The following RIC3 variants were observed in gnomAD, a reference collection of about 807,000 sequenced individuals.
RIC3 encodes protein RIC-3.
In RIC3, 28 loss-of-function variants were observed where a neutral mutation model predicts 27.3. That is an observed-to-expected ratio of 1.02 (90% CI 0.76 to 1.41). The LOEUF (loss-of-function observed/expected upper bound fraction) is 1.41, where lower values mean the gene tolerates loss of function less well. Among genes scored for constraint, RIC3 ranks in the 40% most tolerant of loss-of-function variants. RIC3 has a pLI of 0.00. For synonymous variants in RIC3, 184 were observed against 160.4 expected, an observed-to-expected ratio of 1.15 and a Z score of -1.11; for missense variants, 501 against 444.7, an observed-to-expected ratio of 1.13 and a Z score of -1.14.
chr11:8,116,582 A>T (rs1945883606), intron 5 of RIC3, among the ~76,000 whole-genome samples: 1 of 152,216 alleles, frequency 6.6e-6, no homozygotes, highest in African/African-American at 2.4e-5. Context: ...AAGAAAACCC[A>T]ATTTAAAAAT....
At chr11:8,149,101 G>A (rs1469704773) in intron 1 of RIC3, among the ~76,000 whole-genome samples, 2 of 151,626 alleles carry the variant, frequency 1.3e-5, no homozygotes, top group African/African-American at 4.8e-5. Context: ...GCTGAGGCAG[G>A]AGAATGACAT....
At chr11:8,094,018 T>C in the RIC3 span, 4 of 1,614,000 alleles carry the variant, frequency 2.5e-6, no homozygotes, top group East Asian at 2.2e-5. Flanking sequence ...TGTTTCTCTC[T>C]CTCCATCTGG....
chr11:8,093,208 C>T, the RIC3 span, among the ~76,000 whole-genome samples: 5 of 151,874 alleles, frequency 3.3e-5, no homozygotes, highest in Admixed American at 6.6e-5. Flanking sequence ...GACATCCAAG[C>T]TGAAATCTGC....
chr11:8,135,449 C>T (rs1343197775), intron 4 of RIC3: 4 of 152,130 alleles, frequency 2.6e-5, no homozygotes, highest in East Asian at 3.9e-4. Context: ...TGGCTTAGGA[C>T]TGACTTGGCA....
chr11:8,152,755 CT>C (rs756264221), intron 1 of RIC3, among the ~76,000 whole-genome samples: 92 of 145,310 alleles, frequency 6.3e-4, no homozygotes, highest in South Asian at 6.6e-4. Context: ...CTCAATAAAG[CT>C]TTTTTTTTTT....
rs760543501 is a variant in RIC3 at position 8,140,012 on chromosome 11, G to T, written c.306C>A (p.Ile102=). The T allele has an allele frequency of 9.3e-6, 15 of 1,614,012 alleles. No homozygotes were observed. The highest frequency in any genetic ancestry group is 1.1e-5 in the Non-Finnish European group (13 of 1,180,020). Residue 102 remains isoleucine (I), a synonymous_variant, in exon 2 of 6, where the codon ATC becomes ATA. Coordinates refer to ENST00000309737, the MANE Select transcript of RIC3 (RefSeq NM_001206671.4). ...TATATAAAAAAATCCCAAAACCGTA[G>T]ATTGGAATAATCTGCCCCATCAGAC... The part of the protein sequence containing the change: ...GRGLMGQIIP[I]YGFGIFLYIL...
intron 3 of RIC3, among the ~76,000 whole-genome samples, chr11:8,137,768 T>C (rs1257908171): frequency 6.6e-6 from 1 of 152,230 alleles, no homozygotes; most frequent in East Asian, 1.9e-4. Flanking sequence ...TTGCGGGTGG[T>C]AAATTTTTCA....
intron 1 of RIC3, among the ~76,000 whole-genome samples, chr11:8,154,647 A>G (rs1297605650): frequency 3.3e-5 from 5 of 152,118 alleles, no homozygotes; most frequent in East Asian, 1.9e-4. Flanking sequence ...TGACCATATT[A>G]TAATTTATTT....
downstream of RIC3, among the ~76,000 whole-genome samples, chr11:8,101,255 T>C (rs1254657882): frequency 6.6e-6 from 1 of 152,228 alleles, no homozygotes; most frequent in African/African-American, 2.4e-5. Context: ...ACTTTTCCTC[T>C]TTTCTGTCCC....
the RIC3 span, among the ~76,000 whole-genome samples, chr11:8,094,662 A>G: frequency 6.6e-6 from 1 of 152,208 alleles, no homozygotes; most frequent in African/African-American, 2.4e-5. Context: ...CCTCTGGACC[A>G]CAGACCAGCC....
intron 1 of RIC3, among the ~76,000 whole-genome samples, chr11:8,161,694 A>G (rs1401598469): frequency 6.6e-6 from 1 of 152,196 alleles, no homozygotes; most frequent in Non-Finnish European, 1.5e-5. Context: ...GGAAGGTGAG[A>G]GTGATGGAGG....
chr11:8,096,172 G>A, the RIC3 span, among the ~76,000 whole-genome samples: 1 of 152,220 alleles, frequency 6.6e-6, no homozygotes, highest in African/African-American at 2.4e-5. Context: ...GCAGGCGGGA[G>A]GACAGCTGAG....
intron 1 of RIC3, among the ~76,000 whole-genome samples, chr11:8,148,565 G>A (rs1949940565): frequency 6.6e-6 from 1 of 152,086 alleles, no homozygotes; most frequent in Non-Finnish European, 1.5e-5. Flanking sequence ...TTAAAAACAG[G>A]TAATTACAGA....
the RIC3 span, chr11:8,094,226 C>T: frequency 4.5e-6 from 7 of 1,571,878 alleles, no homozygotes; most frequent in South Asian, 8.4e-5. Context: ...CCCAGCAGGC[C>T]TGGCCTCCAC....
chr11:8,135,344 C>A (rs1212243027), intron 4 of RIC3, among the ~76,000 whole-genome samples: 2 of 152,076 alleles, frequency 1.3e-5, no homozygotes, highest in Admixed American at 6.5e-5. Context: ...TGGTCTATAT[C>A]TCTGTTTTGG....
chr11:8,099,652 C>T, the RIC3 span, among the ~76,000 whole-genome samples: 3 of 152,166 alleles, frequency 2.0e-5, no homozygotes, highest in African/African-American at 7.2e-5. Flanking sequence ...AGCTATGAAA[C>T]AGATCTATCA....
At chr11:8,101,779 TTGCCTCTGC>T, downstream of RIC3, 1 of 1,313,950 alleles carries the variant, frequency 7.6e-7, no homozygotes, top group Middle Eastern at 2.7e-4. Flanking sequence ...ACTGGCTCCT[TTGCCTCTGC>T]TACTGAGGCA....
intron 5 of RIC3, among the ~76,000 whole-genome samples, chr11:8,118,527 TAAAAAAAAAAAAAAAA>T (rs11378233): frequency 1.2e-4 from 8 of 66,686 alleles, no homozygotes; most frequent in African/African-American, 4.7e-4. Context: ...GCCATAATTG[TAAAAAAAAAAAAAAAA>T]AAAAAAAAAA....
chr11:8,148,168 T>C (rs1483837438), intron 1 of RIC3, among the ~76,000 whole-genome samples: 1 of 152,210 alleles, frequency 6.6e-6, no homozygotes, highest in East Asian at 1.9e-4. Context: ...CTCCTTTTCC[T>C]CTCAGTATTG....
Sources: allele counts gnomAD v4.1 joint callset (sites outside exome capture counted in the v4.1 genomes callset), GRCh38; gene constraint gnomAD v4.1.1; transcripts MANE v1.5; gene names NCBI Gene and HGNC (gene_info 2026-07-23, HGNC 2026-07-21).